The following DNAJC22 variants were observed in gnomAD, a reference collection of about 807,000 sequenced individuals.
DNAJC22 encodes the protein dnaJ homolog subfamily C member 22.
Under a neutral mutation model 22.2 loss-of-function variants are expected in DNAJC22, and 24 were observed. The ratio of observed to expected loss-of-function variants is 1.08; its 90% CI spans 0.78 to 1.52. DNAJC22 has a LOEUF of 1.52. DNAJC22 is among the 40% of genes most tolerant of loss of function. DNAJC22 has a pLI of 0.00. For synonymous variants in DNAJC22, 160 were observed against 167.4 expected (o/e 0.96, Z 0.34); for missense variants, 434 against 421.7 (o/e 1.03, Z -0.26).
chr12:49,349,305 T>C lies in DNAJC22; in HGVS notation c.433T>C (p.Phe145Leu). 1 of 1,613,918 alleles carries C rather than the reference T, an allele frequency of 6.2e-7. No individual in the cohort carries two copies. The highest frequency in any genetic ancestry group is 2.2e-5 in the East Asian group (1 of 44,880). ...GTCAGCATTTCTCACTTCACCTATC[T>C]TCTATGGCCGCCCCATAGCCATACT... ...LGSAFLTSPI[F>L]YGRPIAILPI... Residue 145 changes from phenylalanine to leucine, a missense_variant, in exon 3 of 4, where the codon TTC (phenylalanine) becomes CTC (leucine). Coordinates refer to ENST00000549441, the MANE Select transcript of DNAJC22 (RefSeq NM_001304944.2).
intron 3 of DNAJC22, 24 bp downstream of exon 3, chr12:49,349,736 T>C: frequency 6.2e-7 from 1 of 1,613,696 alleles, no homozygotes; most frequent in Non-Finnish European, 8.5e-7. Context: ...CCCTCAGTCC[T>C]GTCCGGTGGC....
In DNAJC22 at chr12:49,349,429, G is replaced by T. The variant is rs144310855; in HGVS notation, c.557G>T (p.Gly186Val). The change falls in exon 3 of 4, where the codon GGC becomes GTC. Residue 186 changes from glycine to valine, a missense_variant. Gly to Val is a moderately radical substitution (Grantham distance 109). Coordinates refer to ENST00000549441, the MANE Select transcript of DNAJC22 (RefSeq NM_001304944.2). ...CTCAGTGTGCGGCTCTATCGTCTGGGCTTGGCTTACCTTGCTTTCACAGGC... is the reference window on the plus strand; with the variant it reads ...CTCAGTGTGCGGCTCTATCGTCTGGTCTTGGCTTACCTTGCTTTCACAGGC... ...EPLSVRLYRL[G>V]LAYLAFTGPL... The T allele has an allele frequency of 1.2e-4, 194 of 1,613,664 alleles. No homozygotes were observed. The African/African-American group carries it at 2.3e-3, about 20-fold the overall frequency.
chr12:49,348,321 G>A (rs1325189854), intron 2 of DNAJC22, among the ~76,000 whole-genome samples: 2 of 152,206 alleles, frequency 1.3e-5, no homozygotes, highest in African/African-American at 4.8e-5. Context: ...TTTAATAAAG[G>A]GAATTCAGGA....
At position 49,349,550 on chromosome 12, in the gene DNAJC22, C is replaced by G. The variant is rs771314969; in HGVS notation, c.678C>G (p.Pro226=). 1.2e-6 allele frequency: 2 copies of G among 1,614,266 alleles called. No individual in the cohort carries two copies. The highest frequency in any genetic ancestry group is 1.1e-5 in the South Asian group (1 of 91,086). ...TCTTGAATTGGTTCAGCTTCTTCCC[C>G]CTTCTTGGCCGCCTCATGGAGTTTG... ...GSFLNWFSFF[P]LLGRLMEFVL... Residue 226 remains proline, a synonymous_variant, in exon 3 of 4, where the codon CCC becomes CCG. Transcript: ENST00000549441.
chr12:49,351,669 G>A lies in DNAJC22; in HGVS notation c.*167G>A, dbSNP rs1247649469. 3.7e-5 allele frequency: 22 copies of A among 589,858 alleles called. No homozygotes were observed. Among genetic ancestry groups the A allele is most frequent in the East Asian group, 1.5e-4 (4 of 26,188 alleles). 36.5% of individuals were successfully genotyped at this position (589,858 alleles called of 1,614,324 possible). A position where few individuals can be genotyped will look rare whatever the true frequency, so the allele number is the denominator to read the frequency against. Reference sequence around the variant, plus strand: ...TCCCAGCACTTTGGGAGGCCGAGGCGGGCAGATCACGAGGTCAGGAGTTCG... The same window carrying A: ...TCCCAGCACTTTGGGAGGCCGAGGCAGGCAGATCACGAGGTCAGGAGTTCG... On this transcript the variant is annotated 3_prime_UTR_variant, in exon 4 of 4. Transcript: ENST00000549441.
chr12:49,347,140 C>T lies in DNAJC22; in HGVS notation c.-981C>T, dbSNP rs986763885. The T allele has an allele frequency of 6.6e-6, 1 of 152,248 alleles. No individual in the cohort carries two copies. The highest frequency in any genetic ancestry group is 2.4e-5 in the African/African-American group (1 of 41,458). The allele number at this position is 152,248 out of a possible 1,614,324, so 9.4% of individuals were successfully genotyped here. A position where few individuals can be genotyped will look rare whatever the true frequency, so the allele number is the denominator to read the frequency against. On this transcript the variant is annotated 5_prime_UTR_variant, in exon 1 of 4. Transcript: ENST00000549441. ...CGGAGTAGAACCCGGGATTGGAGCC[C>T]GGGACATTGAAATGAAGGCGTCTTG... is the stretch of plus-strand genomic sequence containing the variant.
At chr12:49,351,189 C>T in intron 3 of DNAJC22, 128 bp from the exon 4 acceptor site, 1 of 1,510,332 alleles carries the variant, frequency 6.6e-7, no homozygotes, top group East Asian at 2.5e-5. Flanking sequence ...AGCTGCTGGA[C>T]CTTTCCCACG....
In DNAJC22 at chr12:49,352,170, A is replaced by G. The variant is rs1160510344; in HGVS notation, c.*668A>G. On this transcript the variant is annotated 3_prime_UTR_variant, in exon 4 of 4. Coordinates refer to ENST00000549441, the MANE Select transcript of DNAJC22 (RefSeq NM_001304944.2). Reference sequence around the variant, plus strand: ...GAGAACACACCACCTTATCCCACCCATGATATATTGATGTGTGATGGAGAA... The same window carrying G: ...GAGAACACACCACCTTATCCCACCCGTGATATATTGATGTGTGATGGAGAA... The G allele has an allele frequency of 1.3e-5, 2 of 152,252 alleles. No homozygotes were observed. The highest frequency in any genetic ancestry group is 2.9e-5 in the Non-Finnish European group (2 of 68,046). The allele number at this position is 152,252 out of a possible 1,614,324, so 9.4% of individuals were successfully genotyped here.
rs934094566 is a variant in DNAJC22 at position 49,346,934 on chromosome 12, C to A, written c.-1187C>A. On this transcript the variant is annotated 5_prime_UTR_variant, in exon 1 of 4. Coordinates refer to ENST00000549441, the MANE Select transcript of DNAJC22 (RefSeq NM_001304944.2). ...TAGAGAGCAGCATTTCCTCTCCAGG[C>A]CGAGATGAGGGCTGAGGGCGTTTGG... is the stretch of plus-strand genomic sequence containing the variant. The A allele has an allele frequency of 6.6e-6, 1 of 152,280 alleles. No homozygotes were observed. Among genetic ancestry groups the A allele is most frequent in the Non-Finnish European group, 1.5e-5 (1 of 68,082 alleles). 9.4% of individuals were successfully genotyped at this position (152,280 alleles called of 1,614,324 possible).
chr12:49,351,306 G>C lies in DNAJC22; in HGVS notation c.841-11G>C. The C allele has an allele frequency of 6.2e-7, 1 of 1,613,138 alleles. No individual in the cohort carries two copies. Among genetic ancestry groups the C allele is most frequent in the South Asian group, 1.1e-5 (1 of 91,024 alleles). On this transcript the variant is annotated splice_polypyrimidine_tract_variant and intron_variant, in intron 3 of 3. Transcript: ENST00000549441. ...GGGGGATTCTAATTTGTCATCTTCT[G>C]TTTCCATAAGGTTTTGGGCCTCTCA...
At chr12:49,350,046 G>A (rs1049541809) in intron 3 of DNAJC22, among the ~76,000 whole-genome samples, 25 of 151,316 alleles carry the variant, frequency 1.7e-4, no homozygotes, top group African/African-American at 5.4e-4. Context: ...TCAGACTTTC[G>A]TCACCATACA....
rs759678798 is a variant in DNAJC22, at chr12:49,349,310, T to C, written c.438T>C (p.Tyr146=). The change falls in exon 3 of 4, where the codon TAT becomes TAC. Residue 146 remains tyrosine, a synonymous_variant. Transcript: ENST00000549441. ...CATTTCTCACTTCACCTATCTTCTA[T>C]GGCCGCCCCATAGCCATACTGCCCA... ...GSAFLTSPIF[Y]GRPIAILPIS... is the part of the protein sequence containing the mutation. The C allele has an allele frequency of 1.9e-6, 3 of 1,613,700 alleles. No individual in the cohort carries two copies. Among genetic ancestry groups the C allele is most frequent in the Admixed American group, 3.3e-5 (2 of 59,964 alleles).
At chr12:49,348,547 G>T (rs76627833) in intron 2 of DNAJC22, among the ~76,000 whole-genome samples, 13,064 of 152,114 alleles carry the variant, frequency 0.086, 1,192 homozygotes, top group African/African-American at 0.23. Context: ...TTGGGGTCAT[G>T]GGTCTCAGGG....
In DNAJC22 at chr12:49,351,595, G is replaced by A; in HGVS notation, c.*93G>A. On this transcript the variant is annotated 3_prime_UTR_variant, in exon 4 of 4. Coordinates refer to ENST00000549441, the MANE Select transcript of DNAJC22 (RefSeq NM_001304944.2). ...TGCCCACGAATGGCATCCCAACAGA[G>A]TTAAAGAAACTGCTTGCAGGGGCTG... 1 of 1,378,690 alleles carries A rather than the reference G, an allele frequency of 7.3e-7. No individual in the cohort carries two copies. Among genetic ancestry groups the A allele is most frequent in the South Asian group, 1.6e-5 (1 of 64,284 alleles). 85.4% of individuals were successfully genotyped at this position (1,378,690 alleles called of 1,614,324 possible).
At chr12:49,348,596 G>T (rs889180962) in intron 2 of DNAJC22, among the ~76,000 whole-genome samples, 170 bp from the exon 3 acceptor site, 6 of 152,166 alleles carry the variant, frequency 3.9e-5, no homozygotes, top group African/African-American at 1.4e-4. Flanking sequence ...TCTAAATCTG[G>T]AGTCACTGTG....
At chr12:49,350,243 A>C (rs943111629) in intron 3 of DNAJC22, among the ~76,000 whole-genome samples, 2 of 150,628 alleles carry the variant, frequency 1.3e-5, no homozygotes, top group African/African-American at 4.9e-5. Flanking sequence ...CGCCCGGCTA[A>C]TTTTTGTATT....
At chr12:49,350,187 C>T (rs565501103) in intron 3 of DNAJC22, among the ~76,000 whole-genome samples, 3 of 152,154 alleles carry the variant, frequency 2.0e-5, no homozygotes, top group South Asian at 2.1e-4. Flanking sequence ...AGCGATTCTC[C>T]TGCCTCAGCC....
In DNAJC22 at chr12:49,351,630, G is replaced by T. The variant is rs7980097; in HGVS notation, c.*128G>T. The T allele has an allele frequency of 1.1e-3, 1,087 of 1,027,868 alleles. 2 individuals carry two copies. In the African/African-American group the frequency reaches 0.016, roughly 15 times the overall value. The allele number at this position is 1,027,868 out of a possible 1,614,324, so 63.7% of individuals were successfully genotyped here. Reference sequence around the variant, plus strand: ...CTGCTTGCAGGGGCTGGGCGTGGTGGCTCATGCCTGTAATCCCAGCACTTT... The same window carrying T: ...CTGCTTGCAGGGGCTGGGCGTGGTGTCTCATGCCTGTAATCCCAGCACTTT... On this transcript the variant is annotated 3_prime_UTR_variant, in exon 4 of 4. Coordinates refer to ENST00000549441, the MANE Select transcript of DNAJC22 (RefSeq NM_001304944.2).
rs573541165 is a variant in DNAJC22, at chr12:49,350,866, A to C, written c.841-451A>C. The stretch of plus-strand genomic sequence containing the variant: ...CTGTTGTGTAGTATCCCATTGTATG[A>C]TTATACCACAGTTAATTTATTCACT... On this transcript the variant is annotated intron_variant, in intron 3 of 3. Coordinates refer to ENST00000549441, the MANE Select transcript of DNAJC22 (RefSeq NM_001304944.2). Among the ~76,000 whole-genome samples, 23 of 152,282 alleles carry C rather than the reference A, an allele frequency of 1.5e-4. No individual in the cohort carries two copies. In the South Asian group the frequency reaches 3.9e-3, roughly 26 times the overall value.
Sources: allele counts gnomAD v4.1 joint callset (sites outside exome capture counted in the v4.1 genomes callset), GRCh38; gene constraint gnomAD v4.1.1; transcripts MANE v1.5; gene names NCBI Gene and HGNC (gene_info 2026-07-23, HGNC 2026-07-21).